CCPG1: variants seen among roughly 807,000 people sequenced by gnomAD.
CCPG1 encodes cell cycle progression 1.
CCPG1 carries 46 observed loss-of-function variants against 81.3 expected under a neutral mutation model. That is an observed-to-expected ratio of 0.57 (90% CI 0.45 to 0.72). The LOEUF is 0.72. Ranked by LOEUF, CCPG1 falls within the 30% of genes least tolerant of loss-of-function variation. The pLI is 0.00. For synonymous variants in CCPG1, 330 were observed against 305.2 expected (o/e 1.08, Z -0.85); for missense variants, 902 against 937.6 (o/e 0.96, Z 0.50).
intron 3 of CCPG1, among the ~76,000 whole-genome samples, chr15:55,380,732 G>C (rs977406216): frequency 1.3e-5 from 2 of 151,952 alleles, no homozygotes; most frequent in African/African-American, 2.4e-5. Context: ...CGGGGTGCTG[G>C]GGCCAGGCGC....
At chr15:55,368,830 G>T (rs552580016) in intron 6 of CCPG1, among the ~76,000 whole-genome samples, 3 of 152,178 alleles carry the variant, frequency 2.0e-5, no homozygotes, top group Non-Finnish European at 2.9e-5. Context: ...TTATAAAGCG[G>T]GCCAGGCACG....
In CCPG1 at chr15:55,371,921, C is replaced by T. The variant is rs766214998; in HGVS notation, c.578G>A (p.Arg193Gln). Residue 193 changes from arginine (R) to glutamine (Q), a missense_variant, in exon 6 of 9, where the codon CGG (arginine) becomes CAG (glutamine). Transcript: ENST00000442196. The stretch of plus-strand genomic sequence containing the variant: ...TTCAGTTTCTTGTTCAGCAACTAGC[C>T]GGTCTTCAGATTCTGAAGCAGAAAC... ...KTVSASESED[R>Q]LVAEQETEPS... 4.3e-6 allele frequency: 7 copies of T among 1,614,044 alleles called. No homozygotes were observed. Among genetic ancestry groups the T allele is most frequent in the Non-Finnish European group, 5.1e-6 (6 of 1,180,036 alleles).
Position 55,359,661 on chromosome 15 carries a change from A to G in CCPG1, c.2112T>C (p.Val704=). ...QKLFTDFVND[V]KDYLRNMKEY... is the part of the protein sequence containing the mutation. ...CCTTCATGTTTCTAAGATAATCTTT[A>G]ACATCATTAACAAAGTCAGTGAAGA... The change falls in exon 8 of 9, where the codon GTT becomes GTC. Residue 704 remains valine (V), a synonymous_variant. Transcript: ENST00000442196. The G allele has an allele frequency of 6.2e-7, 1 of 1,613,418 alleles. No homozygotes were observed. The highest frequency in any genetic ancestry group is 8.5e-7 in the Non-Finnish European group (1 of 1,179,846).
rs981820382 is a variant in CCPG1 at position 55,386,627 on chromosome 15, G to A, written c.61-913C>T. On this transcript the variant is annotated intron_variant, in intron 2 of 8. Coordinates refer to ENST00000442196, the MANE Select transcript of CCPG1 (RefSeq NM_001204450.2). The stretch of plus-strand genomic sequence containing the variant: ...TGAAAAAAGTAGGGCCGGGGCAGTG[G>A]CTCACGCCTGTAATCCCAGCACCTT... Among the ~76,000 whole-genome samples the A allele has an allele frequency of 2.6e-5, 4 of 152,278 alleles. No homozygotes were observed. In the South Asian group the frequency reaches 6.2e-4, roughly 24 times the overall value.
chr15:55,391,898 G>GA (rs1357216171), intron 1 of CCPG1, among the ~76,000 whole-genome samples: 2 of 127,346 alleles, frequency 1.6e-5, no homozygotes, highest in Non-Finnish European at 3.3e-5. Flanking sequence ...GGGGGGGGGG[G>GA]GCTAGGTGTG....
intron 5 of CCPG1, among the ~76,000 whole-genome samples, chr15:55,376,411 C>T (rs571900938): frequency 6.6e-6 from 1 of 152,300 alleles, no homozygotes; most frequent in East Asian, 1.9e-4. Flanking sequence ...GTGACATTTT[C>T]ATAACAGAAT....
At chr15:55,379,536 T>G (rs1199048103) in intron 3 of CCPG1, among the ~76,000 whole-genome samples, 3 of 151,586 alleles carry the variant, frequency 2.0e-5, no homozygotes, top group Admixed American at 6.6e-5. Context: ...CAAAAAAAAG[T>G]CAGAGAGAGG....
chr15:55,406,216 CT>C (rs35010457), intron 1 of CCPG1, among the ~76,000 whole-genome samples: 19,527 of 136,940 alleles, frequency 0.14, 1,673 homozygotes, highest in African/African-American at 0.29. Flanking sequence ...GGAATTGCTG[CT>C]TTTTTTTTTT....
At chr15:55,398,953 G>A (rs56760921) in intron 1 of CCPG1, among the ~76,000 whole-genome samples, 26,988 of 152,026 alleles carry the variant, frequency 0.18, 4,133 homozygotes, top group African/African-American at 0.42. Context: ...ATCCTCATCC[G>A]GAACATGAAA....
intron 1 of CCPG1, among the ~76,000 whole-genome samples, chr15:55,400,800 C>T (rs1375451099): frequency 6.6e-6 from 1 of 152,176 alleles, no homozygotes; most frequent in Non-Finnish European, 1.5e-5. Context: ...TGGCTATCCT[C>T]ATCTCCTTTT....
rs531582321 is a variant in CCPG1, at chr15:55,407,120, C to G, written c.-10+1101G>C. Among the ~76,000 whole-genome samples the G allele has an allele frequency of 1.1e-4, 16 of 150,324 alleles. No homozygotes were observed. In the South Asian group the frequency reaches 3.1e-3, roughly 30 times the overall value. ...GCGGGCGCCTGTAATCCCAGATACT[C>G]GGGAGGCTGAGGCAGGAGAATCGTT... On this transcript the variant is annotated intron_variant, in intron 1 of 8. Transcript: ENST00000442196.
In CCPG1 at chr15:55,355,806, G is replaced by T; in HGVS notation, c.*414C>A. On this transcript the variant is annotated 3_prime_UTR_variant, in exon 9 of 9. Transcript: ENST00000442196. ...AGAAGTGAGTGTAAGATTATAAAAT[G>T]TTAATGATGAAATTCCAGAACAATG... 4.5e-6 allele frequency: 1 copy of T among 223,062 alleles called. No individual in the cohort carries two copies. 13.8% of individuals were successfully genotyped at this position (223,062 alleles called of 1,614,324 possible).
intron 3 of CCPG1, among the ~76,000 whole-genome samples, chr15:55,381,291 A>AT (rs556258632): frequency 9.9e-5 from 15 of 151,256 alleles, no homozygotes; most frequent in Non-Finnish European, 1.5e-4. Context: ...AAAATAAAAA[A>AT]AAAATAGCTG....
intron 1 of CCPG1, among the ~76,000 whole-genome samples, chr15:55,399,120 G>A (rs550233478): frequency 1.3e-5 from 2 of 152,106 alleles, no homozygotes; most frequent in Admixed American, 6.6e-5. Context: ...TTAGCCAGCT[G>A]GTGCCCAGTG....
chr15:55,368,120 T>C (rs1347638898), intron 6 of CCPG1, among the ~76,000 whole-genome samples: 1 of 152,176 alleles, frequency 6.6e-6, no homozygotes, highest in African/African-American at 2.4e-5. Flanking sequence ...TGACTTTTCA[T>C]ATATGTGAGG....
chr15:55,384,997 CCAAA>C (rs1315429228), intron 3 of CCPG1, among the ~76,000 whole-genome samples: 4 of 152,096 alleles, frequency 2.6e-5, no homozygotes, highest in East Asian at 1.9e-4. Flanking sequence ...ATAGAAACTA[CCAAA>C]CAAATTCAGA....
chr15:55,376,057 T>C (rs1001183132), intron 5 of CCPG1, among the ~76,000 whole-genome samples: 2 of 152,216 alleles, frequency 1.3e-5, no homozygotes, highest in Non-Finnish European at 2.9e-5. Flanking sequence ...CTGATTCTGG[T>C]TGGCAAATGT....
At chr15:55,406,717 G>A (rs1245293966) in intron 1 of CCPG1, among the ~76,000 whole-genome samples, 1 of 151,892 alleles carries the variant, frequency 6.6e-6, no homozygotes, top group African/African-American at 2.4e-5. Context: ...TTACAAGCCT[G>A]AGCCACCGCT....
chr15:55,370,572 C>G (rs2056425385), intron 6 of CCPG1, among the ~76,000 whole-genome samples: 1 of 152,116 alleles, frequency 6.6e-6, no homozygotes, highest in African/African-American at 2.4e-5. Context: ...GGGTGGATCA[C>G]CTTAGGTCAA....
Sources: allele counts gnomAD v4.1 joint callset (sites outside exome capture counted in the v4.1 genomes callset), GRCh38; gene constraint gnomAD v4.1.1; transcripts MANE v1.5; gene names NCBI Gene and HGNC (gene_info 2026-07-23, HGNC 2026-07-21).